Variants in SELENOT observed in about 807,000 individuals in gnomAD.
The protein encoded by SELENOT is thioredoxin reductase-like selenoprotein T.
Under a neutral mutation model 24.3 loss-of-function variants are expected in SELENOT, and 9 were observed. The observed-to-expected ratio is 0.37, with a 90% CI of 0.22 to 0.65. The LOEUF (loss-of-function observed/expected upper bound fraction) is 0.65, where lower values mean the gene tolerates loss of function less well. Among genes scored for constraint, SELENOT ranks in the 30% least tolerant of loss-of-function variants. The pLI, the probability that SELENOT is intolerant of heterozygous loss-of-function variation, is 0.60. For synonymous variants in SELENOT, 81 were observed against 86.0 expected (o/e 0.94, Z 0.32); for missense variants, 166 against 247.6 (o/e 0.67, Z 2.21).
At chr3:150,614,594 T>A (rs1726171467) in intron 1 of SELENOT, 1 of 154,540 alleles carries the variant, frequency 6.5e-6, no homozygotes, top group South Asian at 2.0e-4. Context: ...CTAGGAAGAA[T>A]ATTTAAAGAA....
At chr3:150,626,759 A>G (rs1246852648) in intron 4 of SELENOT, among the ~76,000 whole-genome samples, 1 of 152,190 alleles carries the variant, frequency 6.6e-6, no homozygotes, top group Admixed American at 6.5e-5. Context: ...AGCCTTGTGT[A>G]TATGTCCCTC....
At chr3:150,615,588 T>G (rs574855003) in intron 1 of SELENOT, among the ~76,000 whole-genome samples, 7 of 152,214 alleles carry the variant, frequency 4.6e-5, no homozygotes, top group Non-Finnish European at 7.4e-5. Flanking sequence ...ATGAGTGAAC[T>G]CCCATTCACA....
intron 1 of SELENOT, among the ~76,000 whole-genome samples, chr3:150,609,139 A>G (rs1726030349): frequency 6.6e-6 from 1 of 152,116 alleles, no homozygotes; most frequent in African/African-American, 2.4e-5. Context: ...TTTGTCAGAG[A>G]TGGCTCTTAC....
intron 1 of SELENOT, among the ~76,000 whole-genome samples, chr3:150,616,079 G>C (rs2108010027): frequency 6.6e-6 from 1 of 151,062 alleles, no homozygotes; most frequent in South Asian, 2.1e-4. Flanking sequence ...TGACAAACCT[G>C]AGAAAAACAA....
chr3:150,614,841 C>G (rs1008508788), intron 1 of SELENOT, among the ~76,000 whole-genome samples: 1 of 151,272 alleles, frequency 6.6e-6, no homozygotes, highest in Non-Finnish European at 1.5e-5. Context: ...AATTCATTGT[C>G]ATTTTATTTA....
intron 4 of SELENOT, among the ~76,000 whole-genome samples, chr3:150,626,432 A>G (rs1420212487): frequency 6.6e-6 from 1 of 152,192 alleles, no homozygotes; most frequent in African/African-American, 2.4e-5. Context: ...TTAGGCTACA[A>G]GAGTTGAATA....
intron 1 of SELENOT, among the ~76,000 whole-genome samples, chr3:150,608,828 T>G (rs898691959): frequency 6.6e-6 from 1 of 152,204 alleles, no homozygotes; most frequent in Non-Finnish European, 1.5e-5. Context: ...TAGATATAGG[T>G]AAACATGACT....
intron 1 of SELENOT, among the ~76,000 whole-genome samples, chr3:150,610,322 C>A (rs1404850317): frequency 2.0e-5 from 3 of 152,180 alleles, no homozygotes; most frequent in Middle Eastern, 3.2e-3. Flanking sequence ...TGTCATTAAG[C>A]AGAACTACTT....
intron 1 of SELENOT, among the ~76,000 whole-genome samples, chr3:150,605,801 T>G (rs1241318723): frequency 6.6e-6 from 1 of 152,198 alleles, no homozygotes; most frequent in Non-Finnish European, 1.5e-5. Flanking sequence ...TGGACATTAA[T>G]TTGCAAGTTT....
chr3:150,614,080 C>T (rs1726158643), intron 1 of SELENOT, among the ~76,000 whole-genome samples: 2 of 151,826 alleles, frequency 1.3e-5, no homozygotes, highest in African/African-American at 4.8e-5. Context: ...TGAGTAGTGG[C>T]ACCACAGTGC....
At chr3:150,624,260 G>A (rs1319824876) in intron 3 of SELENOT, among the ~76,000 whole-genome samples, 1 of 152,102 alleles carries the variant, frequency 6.6e-6, no homozygotes, top group Non-Finnish European at 1.5e-5. Flanking sequence ...AGCTTGCTGT[G>A]AATTGGCATT....
chr3:150,623,756 T>C (rs1726387082), intron 3 of SELENOT, among the ~76,000 whole-genome samples: 1 of 152,136 alleles, frequency 6.6e-6, no homozygotes, highest in African/African-American at 2.4e-5. Context: ...ATTACTCTGA[T>C]TTTAATTTAT....
At chr3:150,617,154 A>T (rs1420326904) in intron 1 of SELENOT, among the ~76,000 whole-genome samples, 1 of 152,222 alleles carries the variant, frequency 6.6e-6, no homozygotes, top group African/African-American at 2.4e-5. Context: ...AGCAGGCTGG[A>T]TATGTAAGGA....
chr3:150,624,772 C>T, intron 3 of SELENOT, 40 bp from the exon 4 acceptor site: 3 of 1,281,236 alleles, frequency 2.3e-6, no homozygotes, highest in Non-Finnish European at 3.3e-6. Context: ...ATTTACCAAA[C>T]ATGACTTTGC....
chr3:150,609,781 G>C (rs1268631094), intron 1 of SELENOT, among the ~76,000 whole-genome samples: 1 of 152,190 alleles, frequency 6.6e-6, no homozygotes, highest in Non-Finnish European at 1.5e-5. Context: ...TTAGATCTGT[G>C]AGCTTTCAGA....
chr3:150,626,167 G>A (rs965214591), intron 4 of SELENOT, among the ~76,000 whole-genome samples: 7 of 152,018 alleles, frequency 4.6e-5, no homozygotes, highest in Non-Finnish European at 8.8e-5. Context: ...GAGCCACCTC[G>A]CCCAGCCTAA....
intron 1 of SELENOT, among the ~76,000 whole-genome samples, chr3:150,604,479 T>A (rs1725914051): frequency 6.6e-6 from 1 of 152,202 alleles, no homozygotes; most frequent in African/African-American, 2.4e-5. Context: ...GCCAGATTAG[T>A]AAATCATCAG....
At chr3:150,612,200 C>G (rs1206404609) in intron 1 of SELENOT, among the ~76,000 whole-genome samples, 1 of 151,948 alleles carries the variant, frequency 6.6e-6, no homozygotes, top group Non-Finnish European at 1.5e-5. Context: ...TCAAGCTATT[C>G]TCCTGCCTCA....
rs774153673 is a variant in SELENOT at position 150,603,355 on chromosome 3, C to A, written c.-8C>A. On this transcript the variant is annotated 5_prime_UTR_variant, in exon 1 of 6. Coordinates refer to ENST00000471696, the MANE Select transcript of SELENOT (RefSeq NM_016275.5). ...CTGAGGGCGGCCGAAGTGGCTGGCT[C>A]ATTTAAGATGAGGCTTCTGCTGCTT... is the stretch of plus-strand genomic sequence containing the variant. 56 of 1,609,040 alleles carry A rather than the reference C, an allele frequency of 3.5e-5. No individual in the cohort carries two copies. The East Asian group carries it at 1.2e-3, about 35-fold the overall frequency.
Sources: allele counts gnomAD v4.1 joint callset (sites outside exome capture counted in the v4.1 genomes callset), GRCh38; gene constraint gnomAD v4.1.1; transcripts MANE v1.5; gene names NCBI Gene and HGNC (gene_info 2026-07-23, HGNC 2026-07-21).